The following ELP4 variants were observed in gnomAD, a reference collection of about 807,000 sequenced individuals.
ELP4 encodes elongator complex protein 4.
Under a neutral mutation model 48.9 loss-of-function variants are expected in ELP4, and 51 were observed. That is an observed-to-expected ratio of 1.04 (90% CI 0.83 to 1.32). The LOEUF (loss-of-function observed/expected upper bound fraction) is 1.32. Among genes scored for constraint, ELP4 ranks in the 40% most tolerant of loss-of-function variants. The pLI is 0.00. For synonymous variants in ELP4, 210 were observed against 189.2 expected, an observed-to-expected ratio of 1.11 and a Z score of -0.90; for missense variants, 519 against 514.6, an observed-to-expected ratio of 1.01 and a Z score of -0.08.
At chr11:31,758,272 C>T (rs533478618) in intron 9 of ELP4, among the ~76,000 whole-genome samples, 4 of 152,206 alleles carry the variant, frequency 2.6e-5, no homozygotes, top group East Asian at 1.9e-4. Context: ...GTAAATTCCT[C>T]GAGGATTTTT....
At chr11:31,644,863 A>G (rs923779942) in intron 7 of ELP4, among the ~76,000 whole-genome samples, 1 of 151,886 alleles carries the variant, frequency 6.6e-6, no homozygotes, top group East Asian at 1.9e-4. Flanking sequence ...ACACATAACT[A>G]GAAGGTTGAA....
At chr11:31,745,726 A>C (rs1421961077) in intron 9 of ELP4, among the ~76,000 whole-genome samples, 2 of 152,214 alleles carry the variant, frequency 1.3e-5, no homozygotes, top group African/African-American at 4.8e-5. Flanking sequence ...CTTACACCTT[A>C]TACAAAAATT....
At chr11:31,548,487 G>A (rs1956777100) in intron 3 of ELP4, among the ~76,000 whole-genome samples, 1 of 151,898 alleles carries the variant, frequency 6.6e-6, no homozygotes, top group Non-Finnish European at 1.5e-5. Context: ...AATAAAAGAG[G>A]ATACAAACAA....
At chr11:31,545,374 A>T (rs866836474) in intron 3 of ELP4, among the ~76,000 whole-genome samples, 1 of 152,188 alleles carries the variant, frequency 6.6e-6, no homozygotes, top group African/African-American at 2.4e-5. Context: ...AACTGGAAGA[A>T]AGGGTATCAG....
intron 9 of ELP4, among the ~76,000 whole-genome samples, chr11:31,673,461 A>G (rs1239953733): frequency 6.6e-6 from 1 of 152,130 alleles, no homozygotes; most frequent in Non-Finnish European, 1.5e-5. Context: ...CCTCCCAAGT[A>G]ACTATGACTA....
rs575322894 is a variant in ELP4 at position 31,514,758 on chromosome 11, A to G, written c.223+4751A>G. On this transcript the variant is annotated intron_variant, in intron 1 of 9. Coordinates refer to ENST00000640961, the MANE Select transcript of ELP4 (RefSeq NM_019040.5). ...AAAAGTAAATTAAAAGCCAGCCTTC[A>G]AAGAATATGTCAGGATACTCTGTTG... 5.1e-4 allele frequency among the ~76,000 whole-genome samples: 77 copies of G among 152,290 alleles called. 1 individual carries two copies. In the South Asian group the frequency reaches 0.016, roughly 31 times the overall value.
intron 9 of ELP4, chr11:31,763,606 A>T: frequency 6.7e-7 from 1 of 1,493,888 alleles, no homozygotes; most frequent in South Asian, 1.4e-5. Context: ...ATTTGTTCTC[A>T]TTAAGAAGGG....
intron 3 of ELP4, among the ~76,000 whole-genome samples, chr11:31,546,525 C>T (rs1445487315): frequency 6.6e-6 from 1 of 152,132 alleles, no homozygotes; most frequent in Admixed American, 6.6e-5. Context: ...GACTCCCACA[C>T]ATTAATAGTG....
chr11:31,587,431 G>A (rs1305590485), intron 3 of ELP4, among the ~76,000 whole-genome samples: 1 of 152,094 alleles, frequency 6.6e-6, no homozygotes, highest in Non-Finnish European at 1.5e-5. Context: ...TTTTAGAGAA[G>A]GGGAAAAGGA....
At chr11:31,724,123 T>C (rs1160105825) in intron 9 of ELP4, among the ~76,000 whole-genome samples, 1 of 152,152 alleles carries the variant, frequency 6.6e-6, no homozygotes, top group Non-Finnish European at 1.5e-5. Context: ...ATGACAGAAC[T>C]GGGTTTCCCA....
At chr11:31,662,842 TA>T (rs780766137) in intron 9 of ELP4, 1 of 313,852 alleles carries the variant, frequency 3.2e-6, no homozygotes, top group South Asian at 1.6e-4. Context: ...CTAGATTTCA[TA>T]AAAGGTTAAA....
intron 7 of ELP4, chr11:31,646,842 A>G (rs1161875710): frequency 1.3e-5 from 2 of 151,578 alleles, no homozygotes; most frequent in Non-Finnish European, 3.0e-5. Context: ...GTCAGGGGCT[A>G]AAAGGAATAC....
intron 9 of ELP4, among the ~76,000 whole-genome samples, chr11:31,720,968 A>T (rs533229475): frequency 1.1e-4 from 17 of 152,294 alleles, no homozygotes; most frequent in Admixed American, 5.2e-4. Flanking sequence ...CAATTTGCTC[A>T]CTCTGCCCCA....
At chr11:31,532,777 T>TG (rs1956417503) in intron 2 of ELP4, among the ~76,000 whole-genome samples, 2 of 149,372 alleles carry the variant, frequency 1.3e-5, no homozygotes, top group South Asian at 4.2e-4. Context: ...TTGGTTTTTT[T>TG]TTTTTTTTTT....
rs373418622 is a variant in ELP4, at chr11:31,747,153, C to G, written c.1144-36240C>G. Among the ~76,000 whole-genome samples the G allele has an allele frequency of 2.6e-5, 4 of 152,076 alleles. No individual in the cohort carries two copies. In the East Asian group the frequency reaches 7.7e-4, roughly 29 times the overall value. ...GGTATAACCTTCTCTTTTTAATGAACTTACAGTCAAATAGGGGAAGACATG... is the reference window on the plus strand; with the variant it reads ...GGTATAACCTTCTCTTTTTAATGAAGTTACAGTCAAATAGGGGAAGACATG... On this transcript the variant is annotated intron_variant, in intron 9 of 9. Coordinates refer to ENST00000640961, the MANE Select transcript of ELP4 (RefSeq NM_019040.5).
chr11:31,741,527 G>A (rs903790880), intron 9 of ELP4, among the ~76,000 whole-genome samples: 3 of 152,112 alleles, frequency 2.0e-5, no homozygotes, highest in South Asian at 2.1e-4. Flanking sequence ...TCACACAGCC[G>A]GGTACTCCTC....
At chr11:31,783,274 C>T in intron 9 of ELP4, 119 bp from the exon 10 acceptor site, 1 of 819,396 alleles carries the variant, frequency 1.2e-6, no homozygotes. Context: ...ATTTTATATG[C>T]AAGTCTAAAT....
At chr11:31,590,981 C>G (rs140628545) in intron 3 of ELP4, among the ~76,000 whole-genome samples, 1 of 152,260 alleles carries the variant, frequency 6.6e-6, no homozygotes, top group Non-Finnish European at 1.5e-5. Context: ...AAATTAAGAT[C>G]TTTGGTCCAT....
chr11:31,703,712 T>C (rs1216742924), intron 9 of ELP4, among the ~76,000 whole-genome samples: 2 of 152,200 alleles, frequency 1.3e-5, no homozygotes, highest in African/African-American at 2.4e-5. Context: ...ATTGGTGATC[T>C]TGTGGCAGTA....
Sources: allele counts gnomAD v4.1 joint callset (sites outside exome capture counted in the v4.1 genomes callset), GRCh38; gene constraint gnomAD v4.1.1; transcripts MANE v1.5; gene names NCBI Gene and HGNC (gene_info 2026-07-23, HGNC 2026-07-21).